Variants in RBMS1 observed in about 807,000 individuals in gnomAD.
RBMS1 encodes RNA binding motif single stranded interacting protein 1.
A neutral mutation model predicts 62.3 loss-of-function variants in RBMS1; 17 were observed. The observed-to-expected ratio is 0.27, with a 90% CI of 0.19 to 0.41. The LOEUF (loss-of-function observed/expected upper bound fraction) is 0.41. RBMS1 is among the 10% of genes least tolerant of loss of function. The pLI is 1.00. For missense variants in RBMS1, 334 were observed against 504.5 expected (o/e 0.66, Z 3.24); for synonymous variants, 172 against 170.0 (o/e 1.01, Z -0.09).
At chr2:160,484,336 A>G (rs908637887) in intron 1 of RBMS1, among the ~76,000 whole-genome samples, 2 of 151,684 alleles carry the variant, frequency 1.3e-5, no homozygotes, top group Non-Finnish European at 2.9e-5. Flanking sequence ...TCTACTAAAA[A>G]TCCAAAAAAT....
At position 160,343,737 on chromosome 2, in the gene RBMS1, T is replaced by C. The variant is rs1464255915; in HGVS notation, c.251+23479A>G. Among the ~76,000 whole-genome samples the C allele has an allele frequency of 2.0e-5, 3 of 152,130 alleles. No homozygotes were observed. The East Asian group carries it at 5.8e-4, about 29-fold the overall frequency. ...CTTGTTCTGCCATTAGGAGAATAAT[T>C]AGAGTGGAGCCCCTTTTTAAAACCT... On this transcript the variant is annotated intron_variant, in intron 2 of 13. Coordinates refer to ENST00000348849, the MANE Select transcript of RBMS1 (RefSeq NM_016836.4).
At chr2:160,384,696 C>T (rs1015295483) in intron 1 of RBMS1, among the ~76,000 whole-genome samples, 1 of 152,318 alleles carries the variant, frequency 6.6e-6, no homozygotes, top group East Asian at 1.9e-4. Context: ...CATACTAGCT[C>T]GCAGTGTTGT....
intron 2 of RBMS1, among the ~76,000 whole-genome samples, chr2:160,340,852 G>C (rs986251769): frequency 3.9e-5 from 6 of 152,136 alleles, no homozygotes; most frequent in African/African-American, 1.2e-4. Context: ...TAAAACTCAT[G>C]TAAGTCTTAG....
At chr2:160,382,917 G>A (rs1694352813) in intron 1 of RBMS1, among the ~76,000 whole-genome samples, 1 of 151,856 alleles carries the variant, frequency 6.6e-6, no homozygotes, top group Admixed American at 6.6e-5. Context: ...CACATGTAGA[G>A]CCATCCTAAT....
intron 2 of RBMS1, among the ~76,000 whole-genome samples, chr2:160,347,397 T>C (rs1692245580): frequency 6.6e-6 from 1 of 152,166 alleles, no homozygotes; most frequent in Non-Finnish European, 1.5e-5. Context: ...CCATACTATG[T>C]TTATTTAAAC....
At chr2:160,335,510 G>T (rs971042868) in intron 2 of RBMS1, among the ~76,000 whole-genome samples, 2 of 152,156 alleles carry the variant, frequency 1.3e-5, no homozygotes, top group African/African-American at 4.8e-5. Flanking sequence ...AATTTCATAA[G>T]ACCAACTCGT....
At chr2:160,375,170 GTC>G (rs777582665) in intron 1 of RBMS1, among the ~76,000 whole-genome samples, 12 of 152,166 alleles carry the variant, frequency 7.9e-5, no homozygotes, top group Non-Finnish European at 1.2e-4. Context: ...ACAGAGCCCA[GTC>G]AGGACCTTTA....
At chr2:160,479,048 G>A (rs1168978112) in intron 1 of RBMS1, among the ~76,000 whole-genome samples, 4 of 152,148 alleles carry the variant, frequency 2.6e-5, no homozygotes, top group Non-Finnish European at 4.4e-5. Context: ...AGCCTCACTG[G>A]GTTGTTGTTG....
intron 1 of RBMS1, among the ~76,000 whole-genome samples, chr2:160,432,836 T>C (rs1040900928): frequency 6.6e-6 from 1 of 151,792 alleles, no homozygotes; most frequent in Admixed American, 6.6e-5. Flanking sequence ...CACACTGGTG[T>C]GTCATGAAAC....
chr2:160,413,770 T>C (rs1400869129), intron 1 of RBMS1, among the ~76,000 whole-genome samples: 1 of 152,186 alleles, frequency 6.6e-6, no homozygotes, highest in Non-Finnish European at 1.5e-5. Context: ...TTCCAGGCAC[T>C]TTCTAAGCAC....
At chr2:160,416,939 T>C (rs1322739971) in intron 1 of RBMS1, among the ~76,000 whole-genome samples, 2 of 152,174 alleles carry the variant, frequency 1.3e-5, no homozygotes, top group East Asian at 3.8e-4. Context: ...CTATAGATTG[T>C]ATAGTGCTTT....
intron 1 of RBMS1, among the ~76,000 whole-genome samples, chr2:160,484,477 AGAGC>A (rs1283162534): frequency 4.7e-5 from 7 of 149,946 alleles, no homozygotes; most frequent in Non-Finnish European, 1.0e-4. Context: ...CCTGGGCGAC[AGAGC>A]GAGCGAGACT....
At chr2:160,445,267 T>C (rs1683596110) in intron 1 of RBMS1, among the ~76,000 whole-genome samples, 1 of 152,256 alleles carries the variant, frequency 6.6e-6, no homozygotes, top group Non-Finnish European at 1.5e-5. Flanking sequence ...TTTACTACAT[T>C]GATCTTTGCA....
chr2:160,440,576 CA>C (rs1357036212), intron 1 of RBMS1, among the ~76,000 whole-genome samples: 7 of 152,258 alleles, frequency 4.6e-5, no homozygotes, highest in African/African-American at 1.7e-4. Context: ...CCACCCTCAC[CA>C]AAATCTAGTC....
At chr2:160,448,087 TCAAA>T (rs1374596640) in intron 1 of RBMS1, among the ~76,000 whole-genome samples, 2 of 152,226 alleles carry the variant, frequency 1.3e-5, no homozygotes, top group East Asian at 1.9e-4. Context: ...TAAAATGCTG[TCAAA>T]CAGTTTTTAC....
chr2:160,493,788 C>G lies in RBMS1; in HGVS notation c.-425G>C, dbSNP rs939645016. ...GGAAAGTGCGGCAGCGGCGGCTGCG[C>G]TTGGTGCCAGGCGGCATCTGGGGTG... On this transcript the variant is annotated 5_prime_UTR_variant, in exon 1 of 14. Coordinates refer to ENST00000348849, the MANE Select transcript of RBMS1 (RefSeq NM_016836.4). The G allele has an allele frequency of 6.2e-6, 1 of 160,440 alleles. No individual in the cohort carries two copies. The highest frequency in any genetic ancestry group is 2.6e-5 in the African/African-American group (1 of 39,096). 9.9% of individuals were successfully genotyped at this position (160,440 alleles called of 1,614,324 possible). A position where few individuals can be genotyped will look rare whatever the true frequency, so the allele number is the denominator to read the frequency against.
chr2:160,437,863 ATAC>A (rs1203137156), intron 1 of RBMS1, among the ~76,000 whole-genome samples: 1 of 152,228 alleles, frequency 6.6e-6, no homozygotes, highest in African/African-American at 2.4e-5. Flanking sequence ...CGCCATATTG[ATAC>A]TACCTCATTT....
chr2:160,310,617 C>T (rs1004200451), intron 4 of RBMS1, among the ~76,000 whole-genome samples: 3 of 152,060 alleles, frequency 2.0e-5, no homozygotes, highest in African/African-American at 7.2e-5. Flanking sequence ...GTGAGACTTG[C>T]CCTGGATTTT....
At chr2:160,327,938 C>G (rs564679931) in intron 2 of RBMS1, among the ~76,000 whole-genome samples, 11 of 152,124 alleles carry the variant, frequency 7.2e-5, no homozygotes, top group African/African-American at 2.7e-4. Context: ...AATTTTCTTC[C>G]TCTCCCACCA....
Sources: allele counts gnomAD v4.1 joint callset (sites outside exome capture counted in the v4.1 genomes callset), GRCh38; gene constraint gnomAD v4.1.1; transcripts MANE v1.5; gene names NCBI Gene and HGNC (gene_info 2026-07-23, HGNC 2026-07-21).